Variants in FARS2 observed in about 807,000 individuals in gnomAD.
FARS2 encodes phenylalanine--tRNA ligase, mitochondrial.
Under a neutral mutation model 46.4 loss-of-function variants are expected in FARS2, and 40 were observed. That is an observed-to-expected ratio of 0.86 (90% CI 0.67 to 1.12). FARS2 has a LOEUF of 1.12. FARS2 is among the 50% of genes most tolerant of loss of function. The probability of loss-of-function intolerance (pLI) is 0.00; values close to 1 mark genes in which losing one functional copy is unlikely to be tolerated. For missense variants in FARS2, 513 were observed against 567.9 expected (o/e 0.90, Z 0.98); for synonymous variants, 234 against 214.9 (o/e 1.09, Z -0.78).
At chr6:5,411,688 T>C (rs1202538143) in intron 3 of FARS2, among the ~76,000 whole-genome samples, 1 of 152,228 alleles carries the variant, frequency 6.6e-6, no homozygotes, top group Non-Finnish European at 1.5e-5. Flanking sequence ...GTTTCAGGTT[T>C]TTTTCCTGTC....
At chr6:5,696,855 A>G (rs377715842) in intron 6 of FARS2, among the ~76,000 whole-genome samples, 2 of 152,328 alleles carry the variant, frequency 1.3e-5, no homozygotes, top group South Asian at 2.1e-4. Flanking sequence ...AAGAAGCAGC[A>G]TAAGTAAATC....
At chr6:5,639,164 A>C (rs1404580035) in intron 6 of FARS2, among the ~76,000 whole-genome samples, 1 of 152,242 alleles carries the variant, frequency 6.6e-6, no homozygotes, top group Non-Finnish European at 1.5e-5. Context: ...CTACCTTAAA[A>C]GCAGTATTAT....
intron 6 of FARS2, among the ~76,000 whole-genome samples, chr6:5,746,691 G>A (rs919693219): frequency 6.6e-6 from 1 of 152,164 alleles, no homozygotes; most frequent in African/African-American, 2.4e-5. Context: ...CTTAGGGCAA[G>A]AGTCAGGTCT....
intron 1 of FARS2, among the ~76,000 whole-genome samples, chr6:5,359,293 G>A (rs765266713): frequency 1.3e-4 from 20 of 151,886 alleles, no homozygotes; most frequent in Non-Finnish European, 2.8e-4. Flanking sequence ...CGCCCACCTC[G>A]GCCTCCCAAA....
intron 6 of FARS2, among the ~76,000 whole-genome samples, chr6:5,716,355 TG>T (rs1303117072): frequency 6.6e-6 from 1 of 152,210 alleles, no homozygotes; most frequent in Non-Finnish European, 1.5e-5. Flanking sequence ...ATATTTATCT[TG>T]GGGGTCTTGT....
At chr6:5,466,083 A>G (rs1765498974) in intron 4 of FARS2, among the ~76,000 whole-genome samples, 1 of 152,108 alleles carries the variant, frequency 6.6e-6, no homozygotes, top group Non-Finnish European at 1.5e-5. Context: ...ACACCTGTGT[A>G]GTTCTTTCTT....
At chr6:5,550,528 A>G (rs1347581616) in intron 5 of FARS2, among the ~76,000 whole-genome samples, 1 of 152,144 alleles carries the variant, frequency 6.6e-6, no homozygotes, top group Non-Finnish European at 1.5e-5. Flanking sequence ...GGCCTCCCAC[A>G]GTGTCAGGGT....
chr6:5,422,378 C>CTT (rs796804044), intron 3 of FARS2, among the ~76,000 whole-genome samples: 1 of 149,524 alleles, frequency 6.7e-6, no homozygotes, highest in African/African-American at 2.4e-5. Flanking sequence ...CTCTCTCTCT[C>CTT]TTTTTTTTTT....
At chr6:5,251,914 C>G in the FARS2 span, among the ~76,000 whole-genome samples, 1 of 152,228 alleles carries the variant, frequency 6.6e-6, no homozygotes, top group South Asian at 2.1e-4. Flanking sequence ...GCCAATAAAT[C>G]TGGATTGCGA....
intron 1 of FARS2, among the ~76,000 whole-genome samples, chr6:5,292,324 C>A (rs914814475): frequency 6.6e-6 from 1 of 152,158 alleles, no homozygotes; most frequent in African/African-American, 2.4e-5. Context: ...TTGACAGCAG[C>A]CTGGAGAGCA....
At chr6:5,396,819 C>A (rs1407932152) in intron 2 of FARS2, among the ~76,000 whole-genome samples, 7 of 152,162 alleles carry the variant, frequency 4.6e-5, no homozygotes. Flanking sequence ...GGCCCCTCAC[C>A]TTCACCTCTT....
chr6:5,683,337 A>C (rs934742286), intron 6 of FARS2, among the ~76,000 whole-genome samples: 3 of 152,164 alleles, frequency 2.0e-5, no homozygotes, highest in African/African-American at 7.2e-5. Context: ...TTTGGGACTA[A>C]GTGAGCAGGT....
chr6:5,392,932 G>GTATATATACATATA (rs747187728), intron 2 of FARS2, among the ~76,000 whole-genome samples: 21,674 of 93,322 alleles, frequency 0.23, 2,437 homozygotes, highest in African/African-American at 0.33. Context: ...ATACATATAT[G>GTATATATACATATA]TGTGTGTGTA....
chr6:5,332,223 A>G (rs1464896091), intron 1 of FARS2, among the ~76,000 whole-genome samples: 2 of 152,204 alleles, frequency 1.3e-5, no homozygotes, highest in Non-Finnish European at 2.9e-5. Context: ...GTGTGCAGCA[A>G]GCAGTGGGTT....
At chr6:5,649,145 G>T (rs1261298187) in intron 6 of FARS2, among the ~76,000 whole-genome samples, 3 of 152,146 alleles carry the variant, frequency 2.0e-5, no homozygotes, top group African/African-American at 7.2e-5. Context: ...AAATCTCCTT[G>T]AATTAATGAG....
chr6:5,625,748 A>T (rs73360255), intron 6 of FARS2, among the ~76,000 whole-genome samples: 16,182 of 152,190 alleles, frequency 0.11, 2,461 homozygotes, highest in African/African-American at 0.34. Flanking sequence ...TGGAGGCCAC[A>T]GCCTGGGATG....
At chr6:5,702,926 A>C (rs1254269613) in intron 6 of FARS2, among the ~76,000 whole-genome samples, 1 of 152,150 alleles carries the variant, frequency 6.6e-6, no homozygotes, top group African/African-American at 2.4e-5. Context: ...CCTTGGGGAC[A>C]CCAAGAAATT....
At chr6:5,333,755 C>A (rs150532249) in intron 1 of FARS2, among the ~76,000 whole-genome samples, 1 of 152,140 alleles carries the variant, frequency 6.6e-6, no homozygotes, top group Non-Finnish European at 1.5e-5. Context: ...TTTGGGCAGT[C>A]GCTAGCCAGG....
rs916537877 is a variant in FARS2, at chr6:5,503,226, G to T, written c.905-41954G>T. Among the ~76,000 whole-genome samples, 3 of 151,160 alleles carry T rather than the reference G, an allele frequency of 2.0e-5. No individual in the cohort carries two copies. The East Asian group carries it at 5.8e-4, about 29-fold the overall frequency. On this transcript the variant is annotated intron_variant, in intron 4 of 6. Coordinates refer to ENST00000274680, the MANE Select transcript of FARS2 (RefSeq NM_006567.5). ...TATTTTAAGAAAATAGTAAATAAAAGATTTTATTAAAAATGGGAAGATGTA... is the reference window on the plus strand; with the variant it reads ...TATTTTAAGAAAATAGTAAATAAAATATTTTATTAAAAATGGGAAGATGTA...
Sources: allele counts gnomAD v4.1 joint callset (sites outside exome capture counted in the v4.1 genomes callset), GRCh38; gene constraint gnomAD v4.1.1; transcripts MANE v1.5; gene names NCBI Gene and HGNC (gene_info 2026-07-23, HGNC 2026-07-21).